The following CCDC191 variants were observed in gnomAD, a reference collection of about 807,000 sequenced individuals.
The protein encoded by CCDC191 is coiled-coil domain containing 191.
A neutral mutation model predicts 114.0 loss-of-function variants in CCDC191; 99 were observed. The observed-to-expected ratio is 0.87, with a 90% confidence interval of 0.74 to 1.03. The LOEUF is 1.03. Among genes scored for constraint, CCDC191 ranks in the 50% least tolerant of loss-of-function variants. CCDC191 has a pLI of 0.00. For synonymous variants in CCDC191, 351 were observed against 376.0 expected (o/e 0.93, Z 0.77); for missense variants, 973 against 1,087.0 (o/e 0.90, Z 1.47).
chr3:113,997,900 C>A (rs1677270802), intron 13 of CCDC191, among the ~76,000 whole-genome samples: 1 of 151,978 alleles, frequency 6.6e-6, no homozygotes, highest in Non-Finnish European at 1.5e-5. Flanking sequence ...AACAAACTTA[C>A]TGTGTTGCCA....
At chr3:114,026,530 A>G (rs1369436170) in intron 7 of CCDC191, among the ~76,000 whole-genome samples, 3 of 152,346 alleles carry the variant, frequency 2.0e-5, no homozygotes, top group East Asian at 3.9e-4. Flanking sequence ...CTAACATAAG[A>G]AAACATTGCT....
At position 114,011,023 on chromosome 3, in the gene CCDC191, T is replaced by C; in HGVS notation, c.1164-2A>G. 1 of 1,607,652 alleles carries C rather than the reference T, an allele frequency of 6.2e-7. No homozygotes were observed. The highest frequency in any genetic ancestry group is 1.3e-5 in the African/African-American group (1 of 74,728). On this transcript the variant is annotated splice_acceptor_variant, in intron 8 of 16. Coordinates refer to ENST00000295878, the MANE Select transcript of CCDC191 (RefSeq NM_020817.2). LOFTEE classifies it high-confidence loss of function. ...TACTCAGTGGCCAGTTGTTGTTTTC[T>C]AAGCAACAAAGCACTTCCATTAAAA...
chr3:114,007,398 T>G (rs1466843789), intron 9 of CCDC191, among the ~76,000 whole-genome samples: 1 of 152,190 alleles, frequency 6.6e-6, no homozygotes, highest in Non-Finnish European at 1.5e-5. Context: ...TCAACTGAAA[T>G]GAAAGATGTG....
Position 114,035,053 on chromosome 3 carries a change from C to A in CCDC191, c.690G>T (p.Leu230=). The change falls in exon 6 of 17, where the codon CTG becomes CTT. Residue 230 remains leucine, a synonymous_variant. Transcript: ENST00000295878. The stretch of plus-strand genomic sequence containing the variant: ...CCTTCCTTTTCTTCTCTTCTTGCAC[C>A]AGACACTGAGCCTCCAAGAAGGCCG... ...KKSAFLEAQC[L]VQEEKKRKAL... The A allele has an allele frequency of 6.2e-7, 1 of 1,614,054 alleles. No individual in the cohort carries two copies. The highest frequency in any genetic ancestry group is 8.5e-7 in the Non-Finnish European group (1 of 1,179,966).
intron 8 of CCDC191, among the ~76,000 whole-genome samples, chr3:114,018,408 C>T (rs571474455): frequency 4.0e-4 from 61 of 152,036 alleles, no homozygotes; most frequent in Non-Finnish European, 4.1e-4. Flanking sequence ...CTCCTAGGCT[C>T]GAGTGATCCT....
In CCDC191 at chr3:114,004,648, G is replaced by A. The variant is rs1187379458; in HGVS notation, c.1967C>T (p.Pro656Leu). 6.2e-7 allele frequency: 1 copy of A among 1,612,060 alleles called. No individual in the cohort carries two copies. Among genetic ancestry groups the A allele is most frequent in the East Asian group, 2.2e-5 (1 of 44,760 alleles). The change falls in exon 11 of 17, where the codon CCC (proline) becomes CTC (leucine). Residue 656 changes from proline to leucine, a missense_variant. By Grantham distance (98) the Pro-to-Leu change is moderately conservative. Coordinates refer to ENST00000295878, the MANE Select transcript of CCDC191 (RefSeq NM_020817.2). ...RKPKQLMTPH[P>L]ILKAMEERAI... is the part of the protein sequence containing the mutation. ...CGAGACAGCCCTGCCTTTTAGTATGGGATGCGGTGTCATCAATTGCTTTGG... is the reference window on the plus strand; with the variant it reads ...CGAGACAGCCCTGCCTTTTAGTATGAGATGCGGTGTCATCAATTGCTTTGG...
intron 13 of CCDC191, 79 bp downstream of exon 13, chr3:114,001,516 T>G: frequency 6.5e-7 from 1 of 1,548,736 alleles, no homozygotes; most frequent in Non-Finnish European, 8.7e-7. Flanking sequence ...AGTTCTGGGT[T>G]AAAGAAGGTG....
At chr3:114,006,690 T>G (rs1318239952) in intron 9 of CCDC191, among the ~76,000 whole-genome samples, 4 of 149,694 alleles carry the variant, frequency 2.7e-5, no homozygotes, top group African/African-American at 9.9e-5. Context: ...TAGTGGAAAT[T>G]TGAAGATGTT....
rs560472524 is a variant in CCDC191 at position 114,015,290 on chromosome 3, C to T, written c.1163+3388G>A. Among the ~76,000 whole-genome samples, 31 of 152,192 alleles carry T rather than the reference C, an allele frequency of 2.0e-4. No homozygotes were observed. In the South Asian group the frequency reaches 6.4e-3, roughly 32 times the overall value. ...CCCAGAGCACTGGTGCAAGAGAAGG[C>T]AGGATTAAAGACTGTGGAGGTTAAT... is the stretch of plus-strand genomic sequence containing the variant. On this transcript the variant is annotated intron_variant, in intron 8 of 16. Coordinates refer to ENST00000295878, the MANE Select transcript of CCDC191 (RefSeq NM_020817.2).
chr3:113,966,219 A>G (rs906849752), intron 16 of CCDC191, among the ~76,000 whole-genome samples: 1 of 152,176 alleles, frequency 6.6e-6, no homozygotes. Context: ...CCAGTCTTGA[A>G]TATCAGTTGA....
intron 16 of CCDC191, among the ~76,000 whole-genome samples, chr3:113,971,661 T>C (rs976284550): frequency 3.3e-5 from 5 of 152,180 alleles, no homozygotes; most frequent in Non-Finnish European, 7.3e-5. Context: ...TTGTTTGGTT[T>C]TGGTATCAGG....
chr3:114,042,140 C>T (rs2076570930), intron 4 of CCDC191, among the ~76,000 whole-genome samples: 1 of 152,078 alleles, frequency 6.6e-6, no homozygotes, highest in Non-Finnish European at 1.5e-5. Flanking sequence ...GAGGAAGAGG[C>T]ACTCTGAAAC....
chr3:113,978,113 T>C lies in CCDC191; in HGVS notation c.2606+73A>G, dbSNP rs950182508. On this transcript the variant is annotated intron_variant, in intron 16 of 16. Coordinates refer to ENST00000295878, the MANE Select transcript of CCDC191 (RefSeq NM_020817.2). ...CCTCCAGCTCATCTCTGCAGACACA[T>C]TGTAGGAGCAGAATATATTGCTGAG... 219 of 1,531,382 alleles carry C rather than the reference T, an allele frequency of 1.4e-4. 2 individuals are homozygous for C. The highest frequency in any genetic ancestry group is 1.7e-4 in the Non-Finnish European group (191 of 1,108,862). The allele number at this position is 1,531,382 out of a possible 1,614,324, so 94.9% of individuals were successfully genotyped here. A position where few individuals can be genotyped will look rare whatever the true frequency, so the allele number is the denominator to read the frequency against.
chr3:113,994,870 C>G (rs577191781), intron 13 of CCDC191, among the ~76,000 whole-genome samples: 1 of 152,140 alleles, frequency 6.6e-6, no homozygotes, highest in Non-Finnish European at 1.5e-5. Flanking sequence ...GTGTGAACAC[C>G]TGACTGAACT....
At chr3:114,027,617 A>AAAAAAG (rs1577444293) in intron 7 of CCDC191, among the ~76,000 whole-genome samples, 2 of 148,910 alleles carry the variant, frequency 1.3e-5, no homozygotes, top group Admixed American at 6.8e-5. Flanking sequence ...AAAAAAAAAA[A>AAAAAAG]AAAAAGAAAA....
chr3:114,036,927 CTGAT>C (rs2076493582), intron 4 of CCDC191, 141 bp from the exon 5 acceptor site: 1 of 474,820 alleles, frequency 2.1e-6, no homozygotes, highest in African/African-American at 2.0e-5. Flanking sequence ...ATAATGGCAA[CTGAT>C]TGAGTATAGC....
chr3:114,052,663 G>C (rs1321621595), intron 2 of CCDC191, among the ~76,000 whole-genome samples: 1 of 152,172 alleles, frequency 6.6e-6, no homozygotes, highest in Non-Finnish European at 1.5e-5. Flanking sequence ...TGGGAGGGCA[G>C]GGACTGTACC....
At position 113,970,172 on chromosome 3, in the gene CCDC191, ATGC is replaced by A. The variant is rs1309095612; in HGVS notation, c.2607-4816_2607-4814del. Reference sequence around the variant, plus strand: ...TCACTGTTGGTGTATATATTAATAAATGCTGCTGATTTTTGAATGTTGATTTTG... The same window carrying A: ...TCACTGTTGGTGTATATATTAATAAATGCTGATTTTTGAATGTTGATTTTG... On this transcript the variant is annotated intron_variant, in intron 16 of 16. Coordinates refer to ENST00000295878, the MANE Select transcript of CCDC191 (RefSeq NM_020817.2). 2.6e-5 allele frequency among the ~76,000 whole-genome samples: 4 copies of A among 152,158 alleles called. No homozygotes were observed. In the East Asian group the frequency reaches 7.7e-4, roughly 29 times the overall value.
chr3:114,046,090 C>G (rs1052979596), intron 3 of CCDC191, among the ~76,000 whole-genome samples: 1 of 152,226 alleles, frequency 6.6e-6, no homozygotes, highest in African/African-American at 2.4e-5. Flanking sequence ...ACAGTGGCCT[C>G]CCTTTCTCAG....
Sources: gnomAD v4.1 joint callset for allele counts (sites outside exome capture counted in the v4.1 genomes callset) on GRCh38, gnomAD v4.1.1 for gene constraint, MANE v1.5 for transcripts, NCBI Gene and HGNC (gene_info 2026-07-23, HGNC 2026-07-21) for gene names.